HMGXB4: variants seen among roughly 807,000 people sequenced by gnomAD.
HMGXB4 encodes HMG domain-containing protein 4.
HMGXB4 carries 27 observed loss-of-function variants against 63.9 expected under a neutral mutation model. The observed-to-expected ratio is 0.42, with a 90% CI of 0.31 to 0.58. HMGXB4 has a LOEUF of 0.58. HMGXB4 is among the 20% of genes least tolerant of loss of function. The pLI, the probability that HMGXB4 is intolerant of heterozygous loss-of-function variation, is 0.13. For missense variants in HMGXB4, 624 were observed against 700.7 expected, an observed-to-expected ratio of 0.89 and a Z score of 1.24; for synonymous variants, 264 against 265.3, an observed-to-expected ratio of 0.99 and a Z score of 0.05.
chr22:35,284,997 A>G (rs1423994381), intron 6 of HMGXB4, among the ~76,000 whole-genome samples: 1 of 152,248 alleles, frequency 6.6e-6, no homozygotes, highest in Non-Finnish European at 1.5e-5. Context: ...GCTCTAGGGA[A>G]ATCCTTCTTT....
rs1924633069 is a variant in HMGXB4, at chr22:35,287,089, C to G, written c.1363-258C>G. ...TTTAATCTGTGATTTTACATTTCAA[C>G]TTAGAGTGATCTAAAAATCAGTGCC... On this transcript the variant is annotated intron_variant, in intron 7 of 10. Coordinates refer to ENST00000216106, the MANE Select transcript of HMGXB4 (RefSeq NM_001003681.3). 6 of 396,842 alleles carry G rather than the reference C, an allele frequency of 1.5e-5. No homozygotes were observed. The South Asian group carries it at 1.8e-4, about 12-fold the overall frequency. The allele number at this position is 396,842 out of a possible 1,614,324, so 24.6% of individuals were successfully genotyped here.
upstream of HMGXB4, among the ~76,000 whole-genome samples, chr22:35,255,448 G>A (rs547468827): frequency 1.2e-3 from 190 of 152,312 alleles, 1 homozygote; most frequent in African/African-American, 4.4e-3. Flanking sequence ...TCAGGGGGTC[G>A]AAGCTGCAGT....
chr22:35,255,804 A>G (rs186491354), upstream of HMGXB4, among the ~76,000 whole-genome samples: 2 of 152,376 alleles, frequency 1.3e-5, no homozygotes, highest in East Asian at 1.9e-4. Context: ...AGGGCTCTGA[A>G]GAACAAAAAG....
chr22:35,287,478 TTTCTC>T, intron 8 of HMGXB4, 26 bp downstream of exon 8: 2 of 1,532,104 alleles, frequency 1.3e-6, no homozygotes, highest in South Asian at 1.1e-5. Flanking sequence ...CGCCCCTGCT[TTTCTC>T]TAAAGCATGT....
At chr22:35,285,973 G>T in intron 6 of HMGXB4, 24 bp from the exon 7 acceptor site, 1 of 1,570,252 alleles carries the variant, frequency 6.4e-7, no homozygotes, top group Non-Finnish European at 8.7e-7. Flanking sequence ...TTACTGTATT[G>T]AGTGTTTTAC....
At chr22:35,242,054 G>A in the HMGXB4 span, among the ~76,000 whole-genome samples, 1 of 151,868 alleles carries the variant, frequency 6.6e-6, no homozygotes, top group Admixed American at 6.6e-5. Context: ...TTGCTCTCGG[G>A]GTAATACTAG....
chr22:35,295,202 T>A lies in HMGXB4; in HGVS notation c.*1551T>A, dbSNP rs1925192662. On this transcript the variant is annotated 3_prime_UTR_variant, in exon 11 of 11. Transcript: ENST00000216106. Reference sequence around the variant, plus strand: ...TTGGGGACAGTGTAGCCCATCTGCATCCTATTTAATTTCTTCCCTTCTCCC... The same window carrying A: ...TTGGGGACAGTGTAGCCCATCTGCAACCTATTTAATTTCTTCCCTTCTCCC... 1 of 152,264 alleles carries A rather than the reference T, an allele frequency of 6.6e-6. No homozygotes were observed. The highest frequency in any genetic ancestry group is 2.4e-5 in the African/African-American group (1 of 41,462). 9.4% of individuals were successfully genotyped at this position (152,264 alleles called of 1,614,324 possible). A position where few individuals can be genotyped will look rare whatever the true frequency, so the allele number is the denominator to read the frequency against.
Position 35,287,357 on chromosome 22 carries a change from A to C in HMGXB4, c.1373A>C (p.Gln458Pro), listed in dbSNP as rs1924656825. Residue 458 changes from glutamine (Q) to proline (P), a missense_variant, in exon 8 of 11, where the codon CAA becomes CCA. Around this residue, in one of 2 missense-constraint regions of HMGXB4, gnomAD observed 152 missense variants for 230.1 expected, o/e 0.66. Transcript: ENST00000216106. ...LPEKDKLIWK[Q>P]KAQYLQHKQN... The stretch of plus-strand genomic sequence containing the variant: ...CTGATGTGATTGCAGATTTGGAAGC[A>C]AAAAGCTCAGTATCTGCAGCACAAA... 6.2e-7 allele frequency: 1 copy of C among 1,612,472 alleles called. No individual in the cohort carries two copies. Among genetic ancestry groups the C allele is most frequent in the African/African-American group, 1.3e-5 (1 of 74,854 alleles).
chr22:35,255,095 C>T (rs867194671), upstream of HMGXB4, among the ~76,000 whole-genome samples: 4 of 152,330 alleles, frequency 2.6e-5, no homozygotes, highest in South Asian at 2.1e-4. Context: ...GCAGCAGCAG[C>T]AGACTCCACA....
chr22:35,242,746 A>G, the HMGXB4 span, among the ~76,000 whole-genome samples: 1 of 151,876 alleles, frequency 6.6e-6, no homozygotes, highest in East Asian at 1.9e-4. Flanking sequence ...TTTCTAATGT[A>G]TTCATTTAGT....
At chr22:35,274,814 T>C (rs1456912761) in intron 5 of HMGXB4, among the ~76,000 whole-genome samples, 1 of 152,240 alleles carries the variant, frequency 6.6e-6, no homozygotes, top group East Asian at 1.9e-4. Context: ...GTAGAAACCT[T>C]ACTTATCTGC....
At chr22:35,293,506 C>A in intron 10 of HMGXB4, 101 bp from the exon 11 acceptor site, 2 of 807,344 alleles carry the variant, frequency 2.5e-6, no homozygotes, top group Non-Finnish European at 4.2e-6. Flanking sequence ...GTTTTTCTAA[C>A]TCCATTTGAT....
intron 5 of HMGXB4, among the ~76,000 whole-genome samples, chr22:35,273,391 C>G (rs971938693): frequency 6.6e-6 from 1 of 152,216 alleles, no homozygotes; most frequent in Non-Finnish European, 1.5e-5. Flanking sequence ...TGGATTCTTA[C>G]TCTGGTCTGC....
intron 5 of HMGXB4, among the ~76,000 whole-genome samples, chr22:35,282,369 G>A (rs1020640620): frequency 1.6e-4 from 25 of 152,166 alleles, no homozygotes; most frequent in African/African-American, 3.4e-4. Flanking sequence ...GTAGAGACGG[G>A]GTTTCACCGT....
chr22:35,243,725 G>T, the HMGXB4 span, among the ~76,000 whole-genome samples: 1 of 152,088 alleles, frequency 6.6e-6, no homozygotes, highest in African/African-American at 2.4e-5. Context: ...TGTATTTTTA[G>T]TAGAGACAGG....
chr22:35,293,171 C>T, intron 10 of HMGXB4, 57 bp downstream of exon 10: 2 of 1,596,244 alleles, frequency 1.3e-6, no homozygotes, highest in Non-Finnish European at 1.7e-6. Flanking sequence ...GATGCCCTGC[C>T]TTAATGAGCA....
At chr22:35,248,848 G>T in the HMGXB4 span, among the ~76,000 whole-genome samples, 2 of 152,080 alleles carry the variant, frequency 1.3e-5, no homozygotes. Flanking sequence ...TCCAATGCTG[G>T]GGATTACATT....
chr22:35,249,205 C>T, the HMGXB4 span, among the ~76,000 whole-genome samples: 1 of 44,342 alleles, frequency 2.3e-5, no homozygotes, highest in African/African-American at 3.4e-5. Flanking sequence ...ATTACAGGCA[C>T]CTACCACCAC....
At chr22:35,272,958 A>G (rs1344454123) in intron 5 of HMGXB4, among the ~76,000 whole-genome samples, 1 of 152,188 alleles carries the variant, frequency 6.6e-6, no homozygotes, top group Non-Finnish European at 1.5e-5. Context: ...AATATCCCGT[A>G]ATGTTGCCAT....
Sources: gnomAD v4.1 joint callset for allele counts (sites outside exome capture counted in the v4.1 genomes callset) on GRCh38, gnomAD v4.1.1 for gene constraint, gnomAD v4.1.1 regional missense constraint, MANE v1.5 for transcripts, NCBI Gene and HGNC (gene_info 2026-07-23, HGNC 2026-07-21) for gene names.